The following SPON1 variants were observed in gnomAD, a reference collection of about 807,000 sequenced individuals.
SPON1 encodes spondin 1.
Under a neutral mutation model 111.7 loss-of-function variants are expected in SPON1, and 52 were observed. The observed-to-expected ratio is 0.47, with a 90% CI of 0.37 to 0.59. The LOEUF is 0.59. Ranked by LOEUF, SPON1 falls within the 20% of genes least tolerant of loss-of-function variation. The pLI, the probability that SPON1 is intolerant of heterozygous loss-of-function variation, is 0.00. For synonymous variants in SPON1, 410 were observed against 395.8 expected, an observed-to-expected ratio of 1.04 and a Z score of -0.43; for missense variants, 957 against 1,068.5, an observed-to-expected ratio of 0.90 and a Z score of 1.46.
At chr11:14,121,477 A>G (rs1452963522) in intron 5 of SPON1, among the ~76,000 whole-genome samples, 1 of 152,144 alleles carries the variant, frequency 6.6e-6, no homozygotes, top group Non-Finnish European at 1.5e-5. Flanking sequence ...ATTCAAGGAG[A>G]GGAAATGGAA....
At chr11:13,981,701 C>G (rs1243083029) in intron 1 of SPON1, among the ~76,000 whole-genome samples, 1 of 152,230 alleles carries the variant, frequency 6.6e-6, no homozygotes, top group Non-Finnish European at 1.5e-5. Flanking sequence ...ATAATTCCAG[C>G]TGCTGTAACA....
intron 5 of SPON1, among the ~76,000 whole-genome samples, chr11:14,124,148 A>T (rs965831409): frequency 2.6e-5 from 4 of 152,018 alleles, no homozygotes; most frequent in Non-Finnish European, 4.4e-5. Context: ...TGGCTGACTG[A>T]TCTCATCACT....
chr11:14,091,447 G>A lies in SPON1; in HGVS notation c.676+11426G>A, dbSNP rs559395690. On this transcript the variant is annotated intron_variant, in intron 5 of 15. Transcript: ENST00000576479. ...AGTGGGTGGGAGGCTCAGGCATGGC[G>A]GGCTGCAGGTCCCGAGCCCTGCCCC... is the stretch of plus-strand genomic sequence containing the variant. 3.3e-5 allele frequency among the ~76,000 whole-genome samples: 5 copies of A among 152,332 alleles called. No individual in the cohort carries two copies. In the South Asian group the frequency reaches 8.3e-4, roughly 25 times the overall value.
intron 2 of SPON1, among the ~76,000 whole-genome samples, chr11:14,014,392 T>C (rs1554914083): frequency 6.6e-6 from 1 of 152,240 alleles, no homozygotes; most frequent in African/African-American, 2.4e-5. Flanking sequence ...AATTGATATG[T>C]ACATGAAATG....
chr11:14,046,354 T>C (rs1198049890), intron 3 of SPON1, among the ~76,000 whole-genome samples: 1 of 152,180 alleles, frequency 6.6e-6, no homozygotes, highest in Non-Finnish European at 1.5e-5. Flanking sequence ...TTACGGAGTA[T>C]TCTCAGTCTT....
chr11:14,140,615 G>A (rs891510104), intron 6 of SPON1, among the ~76,000 whole-genome samples: 2 of 152,178 alleles, frequency 1.3e-5, no homozygotes, highest in Non-Finnish European at 1.5e-5. Context: ...GGCTGGTCTC[G>A]AAATCCTGAC....
intron 6 of SPON1, among the ~76,000 whole-genome samples, chr11:14,190,362 ATATT>A (rs1291782548): frequency 6.6e-6 from 1 of 152,162 alleles, no homozygotes; most frequent in African/African-American, 2.4e-5. Context: ...TTTCAAATCA[ATATT>A]TATTCAGCAC....
At chr11:14,260,778 C>A (rs1554941837) in intron 14 of SPON1, 26 bp downstream of exon 14, 1 of 1,605,056 alleles carries the variant, frequency 6.2e-7, no homozygotes, top group Admixed American at 1.7e-5. Flanking sequence ...CCTCAAGGCC[C>A]ATCACTTCTA....
chr11:14,027,128 G>C (rs1554915444), intron 2 of SPON1, among the ~76,000 whole-genome samples: 1 of 152,146 alleles, frequency 6.6e-6, no homozygotes, highest in African/African-American at 2.4e-5. Context: ...TCTCTGCCGG[G>C]AGGCACTGGC....
chr11:14,243,327 T>C lies in SPON1; in HGVS notation c.826-5T>C, dbSNP rs888500037. 3.0e-5 allele frequency: 48 copies of C among 1,577,910 alleles called. No individual in the cohort carries two copies. Among genetic ancestry groups the C allele is most frequent in the Non-Finnish European group, 4.0e-5 (47 of 1,161,022 alleles). On this transcript the variant is annotated splice_polypyrimidine_tract_variant and splice_region_variant and intron_variant, in intron 6 of 15. Coordinates refer to ENST00000576479, the MANE Select transcript of SPON1 (RefSeq NM_006108.4). ...TCACTAAATATTTGTGGTCCTTTTTTGCAGAGTGATGAGGTCCTCACCGTC... is the reference window on the plus strand; with the variant it reads ...TCACTAAATATTTGTGGTCCTTTTTCGCAGAGTGATGAGGTCCTCACCGTC...
chr11:14,265,514 A>G lies in SPON1; in HGVS notation c.2261-10A>G, dbSNP rs1849254586. On this transcript the variant is annotated splice_polypyrimidine_tract_variant and intron_variant, in intron 15 of 15. Coordinates refer to ENST00000576479, the MANE Select transcript of SPON1 (RefSeq NM_006108.4). ...TCTGCGGGCCTAACAAGGCATTCTC[A>G]TGCTTTCAGGTTGTAGGATGCGCCC... 6 of 1,610,892 alleles carry G rather than the reference A, an allele frequency of 3.7e-6. No individual in the cohort carries two copies. Among genetic ancestry groups the G allele is most frequent in the Non-Finnish European group, 5.1e-6 (6 of 1,178,672 alleles).
intron 6 of SPON1, among the ~76,000 whole-genome samples, chr11:14,192,442 A>G (rs1554934668): frequency 6.6e-6 from 1 of 152,186 alleles, no homozygotes; most frequent in Non-Finnish European, 1.5e-5. Flanking sequence ...ATTATGCATA[A>G]AAGTAGAGAT....
intron 2 of SPON1, among the ~76,000 whole-genome samples, chr11:14,028,089 C>A (rs1183245834): frequency 6.6e-6 from 1 of 152,124 alleles, no homozygotes; most frequent in East Asian, 1.9e-4. Context: ...AATACAGACC[C>A]CCTACTTGCT....
At chr11:14,061,550 C>A (rs1349981267) in intron 3 of SPON1, among the ~76,000 whole-genome samples, 1 of 152,204 alleles carries the variant, frequency 6.6e-6, no homozygotes, top group Non-Finnish European at 1.5e-5. Flanking sequence ...TTAAGCCAAA[C>A]AATATATCAC....
rs1399247215 is a variant in SPON1, at chr11:14,156,090, A to G, written c.825+20522A>G. Among the ~76,000 whole-genome samples, 4 of 122,898 alleles carry G rather than the reference A, an allele frequency of 3.3e-5. 2 individuals carry two copies. Among genetic ancestry groups the G allele is most frequent in the Non-Finnish European group, 7.3e-5 (4 of 54,794 alleles). 80.6% of individuals were successfully genotyped at this position (122,898 alleles called of 152,430 possible). A position where few individuals can be genotyped will look rare whatever the true frequency, so the allele number is the denominator to read the frequency against. ...CCACACTGACTTCCACAATGGTTGA[A>G]CTAGTTTACAGTCCCACCAACAGTG... On this transcript the variant is annotated intron_variant, in intron 6 of 15. Coordinates refer to ENST00000576479, the MANE Select transcript of SPON1 (RefSeq NM_006108.4).
At chr11:14,243,213 G>A (rs1451457631) in intron 6 of SPON1, 119 bp from the exon 7 acceptor site, 7 of 917,738 alleles carry the variant, frequency 7.6e-6, no homozygotes, top group Admixed American at 4.1e-5. Flanking sequence ...GTACACCCAG[G>A]CAGGAAAAGC....
intron 6 of SPON1, among the ~76,000 whole-genome samples, chr11:14,153,076 G>A (rs1184213329): frequency 6.6e-6 from 1 of 152,262 alleles, no homozygotes; most frequent in African/African-American, 2.4e-5. Flanking sequence ...GCCTGGTTTA[G>A]AACTTTATTA....
intron 6 of SPON1, among the ~76,000 whole-genome samples, chr11:14,152,853 G>A (rs1316161348): frequency 6.6e-6 from 1 of 152,128 alleles, no homozygotes; most frequent in East Asian, 1.9e-4. Flanking sequence ...TTTTGAGATG[G>A]GGGTTTCCTC....
chr11:14,222,886 T>C (rs981469196), intron 6 of SPON1, among the ~76,000 whole-genome samples: 49 of 152,170 alleles, frequency 3.2e-4, no homozygotes, highest in African/African-American at 1.1e-3. Context: ...ATGCATGTAA[T>C]TAACATTCCT....
Sources: allele counts gnomAD v4.1 joint callset (sites outside exome capture counted in the v4.1 genomes callset), GRCh38; gene constraint gnomAD v4.1.1; transcripts MANE v1.5; gene names NCBI Gene and HGNC (gene_info 2026-07-23, HGNC 2026-07-21).